The following PCSK5 variants were observed in gnomAD, a reference collection of about 807,000 sequenced individuals.
PCSK5 encodes the protein proprotein convertase subtilisin/kexin type 5, also known as prohormone convertase 5.
PCSK5 carries 129 observed loss-of-function variants against 233.2 expected under a neutral mutation model. The observed-to-expected ratio is 0.55, with a 90% confidence interval of 0.48 to 0.64. PCSK5 has a LOEUF of 0.64. PCSK5 is among the 30% of genes least tolerant of loss of function. The pLI, the probability that PCSK5 is intolerant of heterozygous loss-of-function variation, is 0.00. For synonymous variants in PCSK5, 825 were observed against 879.2 expected (o/e 0.94, Z 1.09); for missense variants, 2,076 against 2,430.1 (o/e 0.85, Z 3.06).
At chr9:76,039,562 A>G (rs1172962978) in intron 5 of PCSK5, among the ~76,000 whole-genome samples, 1 of 152,254 alleles carries the variant, frequency 6.6e-6, no homozygotes, top group African/African-American at 2.4e-5. Flanking sequence ...AATAAAATTT[A>G]ATAATTCTGT....
chr9:76,158,212 A>C (rs184191673), intron 11 of PCSK5, among the ~76,000 whole-genome samples: 53 of 152,354 alleles, frequency 3.5e-4, no homozygotes, highest in Admixed American at 1.2e-3. Flanking sequence ...AATTTAAAAA[A>C]TGTGAAAAAT....
intron 15 of PCSK5, among the ~76,000 whole-genome samples, chr9:76,180,991 C>A (rs186336429): frequency 6.6e-6 from 1 of 152,122 alleles, no homozygotes; most frequent in African/African-American, 2.4e-5. Flanking sequence ...ACCACTCACA[C>A]ATGCACATAC....
chr9:76,268,529 A>G (rs1363701977), intron 24 of PCSK5, among the ~76,000 whole-genome samples: 1 of 152,224 alleles, frequency 6.6e-6, no homozygotes, highest in Non-Finnish European at 1.5e-5. Context: ...GAGAAACTAG[A>G]AGATACAGTT....
chr9:75,926,344 C>A (rs1823487507), intron 1 of PCSK5, among the ~76,000 whole-genome samples: 1 of 152,204 alleles, frequency 6.6e-6, no homozygotes, highest in South Asian at 2.1e-4. Context: ...AAATAGTTAA[C>A]TGGCCCTTTA....
At chr9:76,085,396 A>T (rs11144745) in intron 7 of PCSK5, among the ~76,000 whole-genome samples, 38,512 of 152,148 alleles carry the variant, frequency 0.25, 5,267 homozygotes, top group South Asian at 0.32. Context: ...ACAAATTATC[A>T]GCGCTTCTCT....
intron 8 of PCSK5, 127 bp downstream of exon 8, chr9:76,096,229 G>A (rs1831508896): frequency 1.6e-6 from 1 of 639,084 alleles, no homozygotes; most frequent in Non-Finnish European, 2.7e-6. Context: ...GTAATATATG[G>A]AAATAGGAAA....
chr9:76,214,519 C>T (rs754566778), intron 20 of PCSK5, among the ~76,000 whole-genome samples: 1 of 152,064 alleles, frequency 6.6e-6, no homozygotes, highest in Non-Finnish European at 1.5e-5. Flanking sequence ...GCTAGGTGAC[C>T]TTAACAGACC....
At chr9:75,980,866 G>A (rs12002252) in intron 2 of PCSK5, among the ~76,000 whole-genome samples, 139 of 151,468 alleles carry the variant, frequency 9.2e-4, no homozygotes, top group African/African-American at 3.1e-3. Flanking sequence ...GTACTAAAAC[G>A]TTTTCTTAAG....
At chr9:76,082,581 G>C (rs139910567) in intron 7 of PCSK5, among the ~76,000 whole-genome samples, 2 of 152,032 alleles carry the variant, frequency 1.3e-5, no homozygotes, top group African/African-American at 4.8e-5. Context: ...ATGAATAAAT[G>C]TTCTAAATGA....
At chr9:76,290,211 G>C (rs902570503) in intron 24 of PCSK5, among the ~76,000 whole-genome samples, 1 of 152,192 alleles carries the variant, frequency 6.6e-6, no homozygotes, top group Non-Finnish European at 1.5e-5. Flanking sequence ...AATGGAAAAT[G>C]AACTAGTCCA....
intron 30 of PCSK5, among the ~76,000 whole-genome samples, chr9:76,315,189 G>A (rs1004675251): frequency 3.3e-5 from 5 of 151,350 alleles, no homozygotes; most frequent in Non-Finnish European, 7.4e-5. Flanking sequence ...CCTGACCTCA[G>A]GTGATCCACC....
intron 24 of PCSK5, among the ~76,000 whole-genome samples, chr9:76,245,477 G>A (rs550331063): frequency 6.6e-6 from 1 of 152,262 alleles, no homozygotes; most frequent in South Asian, 2.1e-4. Context: ...TAAGAAGATG[G>A]GAGTTGAGGT....
intron 1 of PCSK5, among the ~76,000 whole-genome samples, chr9:75,913,119 A>G (rs1031014016): frequency 6.6e-6 from 1 of 152,176 alleles, no homozygotes; most frequent in Non-Finnish European, 1.5e-5. Context: ...GTTCTTAAAT[A>G]AGCAGCCAGG....
intron 7 of PCSK5, among the ~76,000 whole-genome samples, chr9:76,079,251 G>A (rs13296599): frequency 0.45 from 67,097 of 150,750 alleles, 15,911 homozygotes; most frequent in East Asian, 0.64. Flanking sequence ...CTACAGGTGC[G>A]CACTACCGTG....
At chr9:75,951,449 G>A (rs1587409626) in intron 2 of PCSK5, among the ~76,000 whole-genome samples, 1 of 152,322 alleles carries the variant, frequency 6.6e-6, no homozygotes, top group East Asian at 1.9e-4. Flanking sequence ...CAATTCAAGT[G>A]TGTAGTTGAG....
intron 24 of PCSK5, among the ~76,000 whole-genome samples, chr9:76,242,814 T>C (rs1826471561): frequency 1.3e-5 from 2 of 152,226 alleles, no homozygotes; most frequent in African/African-American, 4.8e-5. Context: ...GGGTTGTGTG[T>C]AATCTAAAAT....
rs145253300 is a variant in PCSK5 at position 76,116,314 on chromosome 9, T to C, written c.1208+8963T>C. Among the ~76,000 whole-genome samples, 346 of 152,278 alleles carry C rather than the reference T, an allele frequency of 2.3e-3. No homozygotes were observed. The Middle Eastern group carries it at 0.048, about 21-fold the overall frequency. ...ATTGGATGTTTATAAGATTGCATTA[T>C]TTCTTACCATCTTAGATTAAGTTTT... On this transcript the variant is annotated intron_variant, in intron 9 of 37. Transcript: ENST00000674117.
At chr9:75,943,606 T>C (rs957537343) in intron 2 of PCSK5, among the ~76,000 whole-genome samples, 4 of 152,192 alleles carry the variant, frequency 2.6e-5, no homozygotes, top group African/African-American at 7.2e-5. Flanking sequence ...AAGGAGGCAA[T>C]AAGACGCAGT....
intron 36 of PCSK5, among the ~76,000 whole-genome samples, chr9:76,351,229 A>T (rs1015395407): frequency 6.6e-6 from 1 of 152,006 alleles, no homozygotes; most frequent in Non-Finnish European, 1.5e-5. Flanking sequence ...TTCAGTCAAC[A>T]TAAGAATACT....
Sources: allele counts gnomAD v4.1 joint callset (sites outside exome capture counted in the v4.1 genomes callset), GRCh38; gene constraint gnomAD v4.1.1; transcripts MANE v1.5; gene names NCBI Gene and HGNC (gene_info 2026-07-23, HGNC 2026-07-21).